The following KAZN variants were observed in gnomAD, a reference collection of about 807,000 sequenced individuals.
KAZN encodes kazrin.
KAZN carries 40 observed loss-of-function variants against 87.4 expected under a neutral mutation model. The observed-to-expected ratio is 0.46, with a 90% CI of 0.36 to 0.60. The LOEUF (loss-of-function observed/expected upper bound fraction) is 0.60. Among genes scored for constraint, KAZN ranks in the 20% least tolerant of loss-of-function variants. The pLI, the probability that KAZN is intolerant of heterozygous loss-of-function variation, is 0.00. For synonymous variants in KAZN, 466 were observed against 458.3 expected, an observed-to-expected ratio of 1.02 and a Z score of -0.22; for missense variants, 898 against 1,073.9, an observed-to-expected ratio of 0.84 and a Z score of 2.29.
At chr1:14,678,096 C>G (rs1023996439) in intron 1 of KAZN, among the ~76,000 whole-genome samples, 2 of 152,126 alleles carry the variant, frequency 1.3e-5, no homozygotes, top group East Asian at 3.9e-4. Context: ...CTGGATTGGA[C>G]TGAAGATGCA....
At chr1:14,392,393 G>T (rs764735793) in intron 2 of KAZN, among the ~76,000 whole-genome samples, 10 of 152,092 alleles carry the variant, frequency 6.6e-5, no homozygotes, top group Non-Finnish European at 1.3e-4. Flanking sequence ...TGTCAGAAGT[G>T]GTGCCATCAT....
At chr1:13,992,707 C>T (rs1557768724) in intron 1 of KAZN, among the ~76,000 whole-genome samples, 3 of 152,022 alleles carry the variant, frequency 2.0e-5, no homozygotes, top group South Asian at 2.1e-4. Context: ...AGCAGGGGAA[C>T]GGGGGATTGA....
intron 1 of KAZN, among the ~76,000 whole-genome samples, chr1:14,712,089 G>T (rs148648688): frequency 6.6e-6 from 1 of 152,258 alleles, no homozygotes; most frequent in African/African-American, 2.4e-5. Flanking sequence ...GGGGAGAAAG[G>T]GTTTTAGGGG....
intron 2 of KAZN, among the ~76,000 whole-genome samples, chr1:14,358,770 A>C (rs960063961): frequency 6.6e-6 from 1 of 151,968 alleles, no homozygotes; most frequent in Non-Finnish European, 1.5e-5. Flanking sequence ...CTAATTTGAT[A>C]GCATCGTGGT....
chr1:14,648,803 T>C (rs1197705750), intron 1 of KAZN, among the ~76,000 whole-genome samples: 2 of 152,230 alleles, frequency 1.3e-5, no homozygotes, highest in African/African-American at 4.8e-5. Flanking sequence ...TTTTGGGTCA[T>C]GTCCCATTGG....
chr1:13,918,977 A>G (rs563227418), intron 1 of KAZN, among the ~76,000 whole-genome samples: 1 of 152,220 alleles, frequency 6.6e-6, no homozygotes, highest in East Asian at 1.9e-4. Context: ...TTGAGATTAG[A>G]TAGTGGGCCT....
chr1:14,388,391 T>A (rs1181400940), intron 2 of KAZN, among the ~76,000 whole-genome samples: 1 of 152,216 alleles, frequency 6.6e-6, no homozygotes, highest in Non-Finnish European at 1.5e-5. Context: ...AGACCCTGAA[T>A]AGCCAAGGCT....
chr1:14,834,006 C>CAT (rs1647137337), intron 1 of KAZN, among the ~76,000 whole-genome samples: 1 of 126,496 alleles, frequency 7.9e-6, no homozygotes, highest in African/African-American at 2.7e-5. Flanking sequence ...CACACACACA[C>CAT]ACATACACAC....
At position 14,075,208 on chromosome 1, in the gene KAZN, A is replaced by G. The variant is rs1253397662; in HGVS notation, c.92-105227A>G. ...ACATTTACCCATGAGAATTACAAAA[A>G]TCCTCAGTGCAATCAGAGTTCATTT... On this transcript the variant is annotated intron_variant, in intron 1 of 16. Coordinates refer to the KAZN transcript ENST00000636203. Among the ~76,000 whole-genome samples, 4 of 152,226 alleles carry G rather than the reference A, an allele frequency of 2.6e-5. 1 individual carries two copies. Among genetic ancestry groups the G allele is most frequent in the Non-Finnish European group, 2.9e-5 (2 of 68,042 alleles).
intron 1 of KAZN, among the ~76,000 whole-genome samples, chr1:13,930,474 C>T (rs993083244): frequency 1.3e-5 from 2 of 152,166 alleles, no homozygotes; most frequent in Non-Finnish European, 2.9e-5. Flanking sequence ...ATCCCTGATA[C>T]AATGGAATCT....
rs961108037 is a variant in KAZN, at chr1:13,967,218, T to TA, written c.91+73463dup. 4.1e-4 allele frequency among the ~76,000 whole-genome samples: 63 copies of TA among 152,358 alleles called. 1 individual carries two copies. The highest frequency in any genetic ancestry group is 1.2e-3 in the African/African-American group (48 of 41,580). On this transcript the variant is annotated intron_variant, in intron 1 of 16. Coordinates refer to the KAZN transcript ENST00000636203. ...TTGGCTTCCCTCAGGGCTGACATCT[T>TA]ACCTAACTGTGGTTGGCTGTCTAGG...
chr1:14,709,052 C>T (rs966130135), intron 1 of KAZN, among the ~76,000 whole-genome samples: 4 of 152,154 alleles, frequency 2.6e-5, no homozygotes, highest in African/African-American at 7.2e-5. Context: ...GCAGATACCA[C>T]GGTTTTCATG....
At chr1:14,708,368 A>G (rs748684326) in intron 1 of KAZN, among the ~76,000 whole-genome samples, 1 of 152,250 alleles carries the variant, frequency 6.6e-6, no homozygotes, top group Non-Finnish European at 1.5e-5. Flanking sequence ...TCACAATCTC[A>G]GATGCTAATC....
intron 2 of KAZN, among the ~76,000 whole-genome samples, chr1:14,469,017 C>T (rs1420681682): frequency 1.3e-5 from 2 of 152,184 alleles, no homozygotes; most frequent in Non-Finnish European, 2.9e-5. Context: ...CCTGCTTCTT[C>T]GTTGGCAGAG....
At chr1:14,387,764 T>C (rs1662058103) in intron 2 of KAZN, among the ~76,000 whole-genome samples, 1 of 152,022 alleles carries the variant, frequency 6.6e-6, no homozygotes, top group African/African-American at 2.4e-5. Flanking sequence ...CTGCTGTCTT[T>C]TTGTTTGTCT....
chr1:14,389,494 A>G (rs542739069), intron 2 of KAZN, among the ~76,000 whole-genome samples: 2 of 152,316 alleles, frequency 1.3e-5, no homozygotes, highest in South Asian at 4.1e-4. Flanking sequence ...AATGTTACAC[A>G]TACACAATGG....
intron 1 of KAZN, among the ~76,000 whole-genome samples, chr1:14,871,588 C>A (rs1283916615): frequency 6.6e-6 from 1 of 151,948 alleles, no homozygotes; most frequent in African/African-American, 2.4e-5. Flanking sequence ...TGACCCCCAA[C>A]TCCCACAGCC....
At chr1:14,410,276 G>C (rs968181307) in intron 2 of KAZN, among the ~76,000 whole-genome samples, 1 of 152,104 alleles carries the variant, frequency 6.6e-6, no homozygotes, top group East Asian at 1.9e-4. Context: ...GCTAATCTTT[G>C]TATTTTTAGT....
At chr1:14,714,778 T>A (rs1642691485) in intron 1 of KAZN, among the ~76,000 whole-genome samples, 1 of 148,168 alleles carries the variant, frequency 6.7e-6, no homozygotes, top group Admixed American at 6.8e-5. Context: ...TTTTTCTTTT[T>A]TCTTTTTCTT....
Sources: gnomAD v4.1 joint callset for allele counts (sites outside exome capture counted in the v4.1 genomes callset) on GRCh38, gnomAD v4.1.1 for gene constraint, MANE v1.5 for transcripts, NCBI Gene and HGNC (gene_info 2026-07-23, HGNC 2026-07-21) for gene names.